FLRT2: variants seen among roughly 807,000 people sequenced by gnomAD.
FLRT2 encodes the protein leucine-rich repeat transmembrane protein FLRT2.
In FLRT2, 15 loss-of-function variants were observed where a neutral mutation model predicts 40.0. The observed-to-expected ratio is 0.38, with a 90% CI of 0.25 to 0.58. The LOEUF is 0.58. Among genes scored for constraint, FLRT2 ranks in the 20% least tolerant of loss-of-function variants. The pLI is 0.71. For synonymous variants in FLRT2, 380 were observed against 336.8 expected (o/e 1.13, Z -1.41); for missense variants, 726 against 840.0 (o/e 0.86, Z 1.68).
At chr14:85,573,853 G>T (rs927653242) in intron 1 of FLRT2, among the ~76,000 whole-genome samples, 1 of 152,204 alleles carries the variant, frequency 6.6e-6, no homozygotes, top group Non-Finnish European at 1.5e-5. Context: ...TAAGTTTTAA[G>T]ACTTTTATAC....
Position 85,565,131 on chromosome 14 carries a change from A to G in FLRT2, c.-377+34597A>G, listed in dbSNP as rs547419634. Among the ~76,000 whole-genome samples the G allele has an allele frequency of 1.2e-4, 19 of 152,332 alleles. No individual in the cohort carries two copies. In the South Asian group the frequency reaches 3.5e-3, roughly 28 times the overall value. On this transcript the variant is annotated intron_variant, in intron 1 of 1. Coordinates refer to ENST00000330753, the MANE Select transcript of FLRT2 (RefSeq NM_013231.6). ...TCCATTCCTTTCAGGGATCTTGGGA[A>G]AGGGAATGAACTACTTTACTTTGAA...
In FLRT2 at chr14:85,633,992, T is replaced by C. The variant is rs1174022317; in HGVS notation, c.*10495T>C. ...TGTCTCTACAATGCAGGTGCAATAG[T>C]CTACCACCTGTCATGTGGTTACTTT... On this transcript the variant is annotated 3_prime_UTR_variant, in exon 2 of 2. Transcript: ENST00000330753. The C allele has an allele frequency of 1.3e-5, 2 of 152,154 alleles. No homozygotes were observed. The highest frequency in any genetic ancestry group is 1.9e-4 in the East Asian group (1 of 5,194). 9.4% of individuals were successfully genotyped at this position (152,154 alleles called of 1,614,324 possible).
At position 85,623,174 on chromosome 14, in the gene FLRT2, G is replaced by T; in HGVS notation, c.1660G>T (p.Val554Leu). The T allele has an allele frequency of 6.4e-7, 1 of 1,568,810 alleles. No homozygotes were observed. Among genetic ancestry groups the T allele is most frequent in the Non-Finnish European group, 8.6e-7 (1 of 1,157,300 alleles). ...CTTGATCGGGGGCGCGGTGATATTT[G>T]TGCTGGTGGTCTTGCTCAGCGTCTT... ...AGLIGGAVIF[V>L]LVVLLSVFCW... is the part of the protein sequence containing the mutation. Residue 554 changes from valine (V) to leucine (L), a missense_variant, in exon 2 of 2, where the codon GTG becomes TTG. Physicochemically the swap from Val to Leu is conservative, Grantham distance 32. Transcript: ENST00000330753.
intron 1 of FLRT2, among the ~76,000 whole-genome samples, chr14:85,543,446 G>A (rs926660952): frequency 2.6e-5 from 4 of 151,826 alleles, no homozygotes; most frequent in Admixed American, 6.6e-5. Context: ...TCTTGGTAGC[G>A]GCAGTCTCCT....
intron 1 of FLRT2, chr14:85,552,877 T>C (rs1023081917): frequency 6.6e-6 from 1 of 152,150 alleles, no homozygotes; most frequent in African/African-American, 2.4e-5. Flanking sequence ...ATGTATCTGA[T>C]GCTTCTGCCA....
chr14:85,652,656 T>C lies in FLRT2; in HGVS notation c.*29159T>C, dbSNP rs1401055275. 7 of 152,170 alleles carry C rather than the reference T, an allele frequency of 4.6e-5. No homozygotes were observed. Among genetic ancestry groups the C allele is most frequent in the Admixed American group, 1.3e-4 (2 of 15,270 alleles). The allele number at this position is 152,170 out of a possible 1,614,324, so 9.4% of individuals were successfully genotyped here. ...GCTTCATCTATTAGTGAGTCAATCA[T>C]AGGATTTTCACACATGGCTTTTGTT... is the stretch of plus-strand genomic sequence containing the variant. On this transcript the variant is annotated 3_prime_UTR_variant, in exon 2 of 2. Transcript: ENST00000330753.
intron 1 of FLRT2, chr14:85,560,836 A>T (rs1280222832): frequency 6.6e-6 from 1 of 151,988 alleles, no homozygotes; most frequent in Non-Finnish European, 1.5e-5. Context: ...TAAAAAAAAA[A>T]TGTGAAAAAT....
rs1555373239 is a variant in FLRT2 at position 85,636,402 on chromosome 14, A to AAC, written c.*12906_*12907insCA. 5.6e-4 allele frequency: 82 copies of AAC among 146,776 alleles called. 3 individuals are homozygous for AAC. The East Asian group carries it at 0.011, about 20-fold the overall frequency. 9.1% of individuals were successfully genotyped at this position (146,776 alleles called of 1,614,324 possible). A position where few individuals can be genotyped will look rare whatever the true frequency, so the allele number is the denominator to read the frequency against. On this transcript the variant is annotated 3_prime_UTR_variant, in exon 2 of 2. Transcript: ENST00000330753. Reference sequence around the variant, plus strand: ...GAAGTCACCTGCAGAAAAAAAAAAAAAAAAAACAAAAAACATTCTTATTAA... The same window carrying AAC: ...GAAGTCACCTGCAGAAAAAAAAAAAAACAAAAAACAAAAAACATTCTTATTAA...
chr14:85,592,575 G>A, intron 1 of FLRT2, among the ~76,000 whole-genome samples: 1 of 151,970 alleles, frequency 6.6e-6, no homozygotes, highest in Non-Finnish European at 1.5e-5. Context: ...GATCACCTGA[G>A]GTCAGGAGTT....
In FLRT2 at chr14:85,621,426, AC is replaced by A; in HGVS notation, c.-85del. On this transcript the variant is annotated 5_prime_UTR_variant, in exon 2 of 2. Transcript: ENST00000330753. ...AGCTGGAGTTCTGGACTTCAACAGA[AC>A]CCCATCCAGTCATTTTGATTTTGCT... The A allele has an allele frequency of 1.6e-6, 2 of 1,258,794 alleles. No homozygotes were observed. Among genetic ancestry groups the A allele is most frequent in the Admixed American group, 5.2e-5 (2 of 38,316 alleles). The allele number at this position is 1,258,794 out of a possible 1,614,324, so 78.0% of individuals were successfully genotyped here.
At chr14:85,557,748 T>C (rs1421156431) in intron 1 of FLRT2, among the ~76,000 whole-genome samples, 3 of 152,064 alleles carry the variant, frequency 2.0e-5, no homozygotes, top group African/African-American at 7.2e-5. Flanking sequence ...AGCCAGGAGG[T>C]AGAGGTTGCA....
At chr14:85,593,639 C>A (rs1277243042) in intron 1 of FLRT2, among the ~76,000 whole-genome samples, 1 of 152,228 alleles carries the variant, frequency 6.6e-6, no homozygotes, top group Non-Finnish European at 1.5e-5. Flanking sequence ...ACATTGCCAA[C>A]CTTCTACTGT....
intron 1 of FLRT2, among the ~76,000 whole-genome samples, chr14:85,576,983 G>A (rs953145524): frequency 6.6e-6 from 1 of 152,162 alleles, no homozygotes; most frequent in Non-Finnish European, 1.5e-5. Context: ...CTTAAATACT[G>A]TTATTCTTCT....
intron 1 of FLRT2, among the ~76,000 whole-genome samples, chr14:85,537,910 T>C (rs1446361622): frequency 6.6e-6 from 1 of 152,030 alleles, no homozygotes; most frequent in African/African-American, 2.4e-5. Flanking sequence ...TTTGATTCCT[T>C]CTACTGTGGC....
chr14:85,603,928 T>C (rs1892495609), intron 1 of FLRT2, among the ~76,000 whole-genome samples: 1 of 152,224 alleles, frequency 6.6e-6, no homozygotes. Context: ...TGTTTCTGGA[T>C]AACATAAGGT....
chr14:85,544,488 T>G (rs1335081473), intron 1 of FLRT2, among the ~76,000 whole-genome samples: 1 of 152,176 alleles, frequency 6.6e-6, no homozygotes, highest in Non-Finnish European at 1.5e-5. Context: ...TCTTCTTTAT[T>G]TTTTGCTTGT....
chr14:85,638,649 G>T lies in FLRT2; in HGVS notation c.*15152G>T, dbSNP rs184155063. ...CTTGAATTCCTCCAACAATAGACCC[G>T]TTATTATGTGAAAGTGTGAGGCTGG... On this transcript the variant is annotated 3_prime_UTR_variant, in exon 2 of 2. Coordinates refer to ENST00000330753, the MANE Select transcript of FLRT2 (RefSeq NM_013231.6). 6.6e-6 allele frequency: 1 copy of T among 152,106 alleles called. No homozygotes were observed. The allele number at this position is 152,106 out of a possible 1,614,324, so 9.4% of individuals were successfully genotyped here. A position where few individuals can be genotyped will look rare whatever the true frequency, so the allele number is the denominator to read the frequency against.
chr14:85,590,723 C>T (rs1005949413), intron 1 of FLRT2, among the ~76,000 whole-genome samples: 11 of 152,048 alleles, frequency 7.2e-5, no homozygotes, highest in Non-Finnish European at 1.0e-4. Context: ...CTCAGCCTCC[C>T]GATAGCTGGG....
chr14:85,552,340 A>G (rs533377885), intron 1 of FLRT2, among the ~76,000 whole-genome samples: 79 of 152,326 alleles, frequency 5.2e-4, no homozygotes, highest in African/African-American at 1.8e-3. Flanking sequence ...TCTCATCTGC[A>G]TAGTGGGGAT....
Sources: gnomAD v4.1 joint callset for allele counts (sites outside exome capture counted in the v4.1 genomes callset) on GRCh38, gnomAD v4.1.1 for gene constraint, MANE v1.5 for transcripts, NCBI Gene and HGNC (gene_info 2026-07-23, HGNC 2026-07-21) for gene names.